KCNIP1: variants seen among roughly 807,000 people sequenced by gnomAD.
The protein encoded by KCNIP1 is potassium voltage-gated channel interacting protein 1, also known as A-type potassium channel modulatory protein KCNIP1.
A neutral mutation model predicts 33.0 loss-of-function variants in KCNIP1; 18 were observed. The observed-to-expected ratio is 0.55, with a 90% confidence interval of 0.38 to 0.81. The LOEUF (loss-of-function observed/expected upper bound fraction) is 0.81. Ranked by LOEUF, KCNIP1 falls within the 30% of genes least tolerant of loss-of-function variation. The pLI, the probability that KCNIP1 is intolerant of heterozygous loss-of-function variation, is 0.00. For missense variants in KCNIP1, 238 were observed against 271.6 expected, an observed-to-expected ratio of 0.88 and a Z score of 0.87; for synonymous variants, 93 against 98.3, an observed-to-expected ratio of 0.95 and a Z score of 0.32.
intron 1 of KCNIP1, among the ~76,000 whole-genome samples, chr5:170,582,628 C>A (rs1020721910): frequency 1.3e-5 from 2 of 152,100 alleles, no homozygotes; most frequent in Admixed American, 6.5e-5. Flanking sequence ...CTCTTATTCC[C>A]GAAGAGATCC....
In KCNIP1 at chr5:170,496,117, T is replaced by G. The variant is rs548465615; in HGVS notation, c.88+142153T>G. On this transcript the variant is annotated intron_variant, in intron 1 of 7. Transcript: ENST00000377360. The stretch of plus-strand genomic sequence containing the variant: ...CCCCTCCCTGCTCACTTCCTCAGGG[T>G]CTTCAGGCTGCAGGAGCCGAAGAGG... 5.3e-5 allele frequency among the ~76,000 whole-genome samples: 8 copies of G among 152,138 alleles called. No individual in the cohort carries two copies. The East Asian group carries it at 1.4e-3, about 26-fold the overall frequency.
chr5:170,377,195 A>G (rs1764038016), intron 1 of KCNIP1: 1 of 152,226 alleles, frequency 6.6e-6, no homozygotes. Flanking sequence ...CTCACTTCCT[A>G]CACCGGTAGT....
At chr5:170,446,229 C>T (rs759620422) in intron 1 of KCNIP1, among the ~76,000 whole-genome samples, 6 of 152,178 alleles carry the variant, frequency 3.9e-5, no homozygotes, top group Non-Finnish European at 8.8e-5. Flanking sequence ...ACTTGGAAAA[C>T]TCTGCGCCTA....
intron 1 of KCNIP1, among the ~76,000 whole-genome samples, chr5:170,480,794 G>A (rs572398499): frequency 6.6e-6 from 1 of 152,098 alleles, no homozygotes; most frequent in East Asian, 1.9e-4. Flanking sequence ...AGCACATTTG[G>A]CCAATTATCC....
chr5:170,412,952 T>A (rs979115183), intron 1 of KCNIP1, among the ~76,000 whole-genome samples: 1 of 152,146 alleles, frequency 6.6e-6, no homozygotes, highest in Non-Finnish European at 1.5e-5. Flanking sequence ...ACCCTTCATT[T>A]TATTTGTGTA....
chr5:170,574,229 G>T (rs949592543), intron 1 of KCNIP1, among the ~76,000 whole-genome samples: 2 of 152,176 alleles, frequency 1.3e-5, no homozygotes, highest in East Asian at 1.9e-4. Flanking sequence ...AAACCAATTT[G>T]ACCAGAAGCT....
chr5:170,725,185 A>G (rs146996502), intron 5 of KCNIP1, among the ~76,000 whole-genome samples: 3 of 152,336 alleles, frequency 2.0e-5, no homozygotes, highest in East Asian at 1.9e-4. Flanking sequence ...TATATACCCC[A>G]TGTAAAGGAA....
At chr5:170,622,270 T>C (rs1294836049) in intron 1 of KCNIP1, among the ~76,000 whole-genome samples, 1 of 152,206 alleles carries the variant, frequency 6.6e-6, no homozygotes, top group Non-Finnish European at 1.5e-5. Flanking sequence ...GGTCTCAAGA[T>C]GAAATCATCT....
intron 1 of KCNIP1, among the ~76,000 whole-genome samples, chr5:170,396,436 T>G (rs1301848369): frequency 6.6e-6 from 1 of 152,242 alleles, no homozygotes; most frequent in African/African-American, 2.4e-5. Context: ...TGACAAGGCT[T>G]CAGAAAGTTC....
intron 1 of KCNIP1, among the ~76,000 whole-genome samples, chr5:170,355,977 G>C (rs574967096): frequency 1.3e-5 from 2 of 152,344 alleles, no homozygotes; most frequent in East Asian, 3.9e-4. Flanking sequence ...CCCCGGCTCT[G>C]CGCCAGGCAC....
chr5:170,417,117 T>C (rs61004418), intron 1 of KCNIP1, among the ~76,000 whole-genome samples: 33,608 of 152,186 alleles, frequency 0.22, 3,855 homozygotes, highest in Admixed American at 0.26. Context: ...TTAAATAAAC[T>C]GTGATGCCTC....
chr5:170,586,647 A>G (rs1254372445), intron 1 of KCNIP1, among the ~76,000 whole-genome samples: 1 of 152,216 alleles, frequency 6.6e-6, no homozygotes, highest in Non-Finnish European at 1.5e-5. Flanking sequence ...TTAGGAGTGA[A>G]TGAAGCCATG....
chr5:170,673,898 G>A (rs1762019628), intron 1 of KCNIP1, among the ~76,000 whole-genome samples: 2 of 151,914 alleles, frequency 1.3e-5, no homozygotes, highest in South Asian at 4.2e-4. Context: ...TACTAGGTTG[G>A]GGGTAAATTA....
chr5:170,456,673 CTCTTTCTTTCTT>C (rs1215033627), intron 1 of KCNIP1, among the ~76,000 whole-genome samples: 13 of 91,738 alleles, frequency 1.4e-4, no homozygotes, highest in Non-Finnish European at 2.1e-5. Flanking sequence ...TTCTTTCTTT[CTCTTTCTTTCTT>C]TCTCTCTCTC....
At chr5:170,659,796 C>T (rs13436750) in intron 1 of KCNIP1, among the ~76,000 whole-genome samples, 14,951 of 152,152 alleles carry the variant, frequency 0.098, 812 homozygotes, top group African/African-American at 0.11. Context: ...TATTATTAGG[C>T]GGGTGCAAAA....
chr5:170,660,382 A>G (rs1019344104), intron 1 of KCNIP1, among the ~76,000 whole-genome samples: 1 of 152,182 alleles, frequency 6.6e-6, no homozygotes, highest in East Asian at 1.9e-4. Flanking sequence ...AAAAAAAAAA[A>G]AAAACATTCA....
intron 1 of KCNIP1, among the ~76,000 whole-genome samples, chr5:170,381,693 G>A (rs2113335646): frequency 6.6e-6 from 1 of 152,356 alleles, no homozygotes; most frequent in East Asian, 1.9e-4. Context: ...ACATCCTGCT[G>A]ACAGTTCATT....
exon 1 of KCNIP1, chr5:170,353,620 G>T (rs1031699236): frequency 1.8e-6 from 1 of 558,884 alleles, no homozygotes; most frequent in Non-Finnish European, 3.2e-6. Flanking sequence ...GCATCCTGAG[G>T]TCCTCCCGTG....
At chr5:170,713,133 C>T (rs1429126579) in intron 1 of KCNIP1, among the ~76,000 whole-genome samples, 3 of 152,204 alleles carry the variant, frequency 2.0e-5, no homozygotes, top group African/African-American at 7.2e-5. Context: ...ACTCAGAGCC[C>T]ATTTGCAGCT....
Sources: allele counts gnomAD v4.1 joint callset (sites outside exome capture counted in the v4.1 genomes callset), GRCh38; gene constraint gnomAD v4.1.1; transcripts MANE v1.5; gene names NCBI Gene and HGNC (gene_info 2026-07-23, HGNC 2026-07-21).